Variants in COL4A3 observed in about 807,000 individuals in gnomAD.
COL4A3 encodes collagen alpha-3(IV) chain.
COL4A3 carries 135 observed loss-of-function variants against 217.4 expected under a neutral mutation model. That is an observed-to-expected ratio of 0.62 (90% CI 0.54 to 0.72). The LOEUF (loss-of-function observed/expected upper bound fraction) is 0.72. Among genes scored for constraint, COL4A3 ranks in the 30% least tolerant of loss-of-function variants. The pLI, the probability that COL4A3 is intolerant of heterozygous loss-of-function variation, is 0.00. For synonymous variants in COL4A3, 690 were observed against 736.3 expected, an observed-to-expected ratio of 0.94 and a Z score of 1.02; for missense variants, 1,868 against 2,119.9, an observed-to-expected ratio of 0.88 and a Z score of 2.33.
intron 1 of COL4A3, among the ~76,000 whole-genome samples, chr2:227,195,961 GA>G (rs1198805689): frequency 2.0e-5 from 3 of 151,812 alleles, no homozygotes; most frequent in African/African-American, 7.3e-5. Context: ...TTTAAAAATA[GA>G]AAAAAGCTTA....
intron 50 of COL4A3, among the ~76,000 whole-genome samples, chr2:227,309,745 G>C (rs921509714): frequency 3.3e-5 from 5 of 152,062 alleles, no homozygotes; most frequent in African/African-American, 9.7e-5. Flanking sequence ...GAGATTGCAG[G>C]TCTGTGCTAC....
At chr2:227,249,230 A>ATATATATATATATATATATTTTTTTTT in intron 9 of COL4A3, among the ~76,000 whole-genome samples, 1 of 14,692 alleles carries the variant, frequency 6.8e-5, no homozygotes, top group Admixed American at 8.1e-4. Flanking sequence ...ATATATATAT[A>ATATATATATATATATATATTTTTTTTT]TTTTTTTTTT....
At chr2:227,213,490 G>C (rs1394920498) in intron 1 of COL4A3, among the ~76,000 whole-genome samples, 3 of 151,962 alleles carry the variant, frequency 2.0e-5, no homozygotes, top group South Asian at 2.1e-4. Flanking sequence ...TTAGCTCAAG[G>C]GTCCTGCAAA....
chr2:227,295,943 C>G (rs2073009266), intron 41 of COL4A3, among the ~76,000 whole-genome samples: 1 of 152,192 alleles, frequency 6.6e-6, no homozygotes, highest in Admixed American at 6.5e-5. Context: ...GTCAAACCTT[C>G]CAGGAGAAAC....
rs1247301571 is a variant in COL4A3, at chr2:227,312,207, TG to T, written c.*339del. ...GCAAGTTATGAAATATTTGGCCCGC[TG>T]GATTCCCACATTTGTCTTCTTTCTG... On this transcript the variant is annotated 3_prime_UTR_variant, in exon 52 of 52. Transcript: ENST00000396578. 3.4e-6 allele frequency: 1 copy of T among 289,984 alleles called. No homozygotes were observed. The highest frequency in any genetic ancestry group is 6.7e-6 in the Non-Finnish European group (1 of 149,008). The allele number at this position is 289,984 out of a possible 1,614,324, so 18.0% of individuals were successfully genotyped here. A position where few individuals can be genotyped will look rare whatever the true frequency, so the allele number is the denominator to read the frequency against.
rs909402716 is a variant in COL4A3 at position 227,254,563 on chromosome 2, G to T, written c.829-93G>T. 127 of 982,848 alleles carry T rather than the reference G, an allele frequency of 1.3e-4. No individual in the cohort carries two copies. In the African/African-American group the frequency reaches 1.8e-3, roughly 14 times the overall value. 60.9% of individuals were successfully genotyped at this position (982,848 alleles called of 1,614,324 possible). A position where few individuals can be genotyped will look rare whatever the true frequency, so the allele number is the denominator to read the frequency against. Reference sequence around the variant, plus strand: ...TCAGCACTGAAACATGTTTTTAAATGGCAGAATAACCAAAAGGGACAAATT... The same window carrying T: ...TCAGCACTGAAACATGTTTTTAAATTGCAGAATAACCAAAAGGGACAAATT... On this transcript the variant is annotated intron_variant, in intron 14 of 51. Coordinates refer to ENST00000396578, the MANE Select transcript of COL4A3 (RefSeq NM_000091.5).
At chr2:227,280,800 G>T in intron 30 of COL4A3, 93 bp from the exon 31 acceptor site, 1 of 1,094,374 alleles carries the variant, frequency 9.1e-7, no homozygotes, top group Non-Finnish European at 1.4e-6. Flanking sequence ...TCTGATTTAG[G>T]TGGAAAAAAA....
At chr2:227,204,044 C>G (rs571817149) in intron 1 of COL4A3, among the ~76,000 whole-genome samples, 1 of 151,942 alleles carries the variant, frequency 6.6e-6, no homozygotes, top group Admixed American at 6.6e-5. Context: ...TGGTAAGAAC[C>G]TTTATAGTAT....
Position 227,314,514 on chromosome 2 carries a change from A to G in COL4A3, c.*2644A>G, listed in dbSNP as rs1385910522. On this transcript the variant is annotated 3_prime_UTR_variant, in exon 52 of 52. Transcript: ENST00000396578. ...TCAGAAGTCTTTCAGCAAGATAAACATTATTAAGTAACTTATTTATGAAAG... is the reference window on the plus strand; with the variant it reads ...TCAGAAGTCTTTCAGCAAGATAAACGTTATTAAGTAACTTATTTATGAAAG... 6.6e-6 allele frequency: 1 copy of G among 152,652 alleles called. No individual in the cohort carries two copies. The highest frequency in any genetic ancestry group is 1.9e-4 in the East Asian group (1 of 5,206). 9.5% of individuals were successfully genotyped at this position (152,652 alleles called of 1,614,324 possible). A position where few individuals can be genotyped will look rare whatever the true frequency, so the allele number is the denominator to read the frequency against.
chr2:227,248,391 G>A (rs1490805880), intron 8 of COL4A3, 52 bp from the exon 9 acceptor site: 1 of 1,092,130 alleles, frequency 9.2e-7, no homozygotes, highest in Non-Finnish European at 1.4e-6. Flanking sequence ...CACTTGAAGG[G>A]GTTTTGAAAA....
chr2:227,248,139 C>A (rs1165517632), intron 8 of COL4A3, among the ~76,000 whole-genome samples: 3 of 152,098 alleles, frequency 2.0e-5, no homozygotes, highest in Non-Finnish European at 2.9e-5. Context: ...GGGGTTTTGC[C>A]ATGTTGGCCA....
intron 3 of COL4A3, among the ~76,000 whole-genome samples, chr2:227,243,313 C>A (rs1389200236): frequency 6.6e-6 from 1 of 152,136 alleles, no homozygotes; most frequent in Non-Finnish European, 1.5e-5. Context: ...ATAATACAAT[C>A]AAAGGCAGAC....
chr2:227,273,248 A>G (rs1574754748), intron 26 of COL4A3, 131 bp downstream of exon 26: 11 of 982,044 alleles, frequency 1.1e-5, no homozygotes, highest in South Asian at 1.4e-5. Flanking sequence ...GTCAACTCAC[A>G]GATACCAGGA....
At chr2:227,229,068 C>A (rs1482210334) in intron 1 of COL4A3, among the ~76,000 whole-genome samples, 1 of 152,136 alleles carries the variant, frequency 6.6e-6, no homozygotes, top group African/African-American at 2.4e-5. Flanking sequence ...GGGATTTAGA[C>A]CCAGGAAGTA....
In COL4A3 at chr2:227,191,389, A is replaced by AG. The variant is rs1053491862; in HGVS notation, c.87+26581dup. On this transcript the variant is annotated intron_variant, in intron 1 of 51. Coordinates refer to ENST00000396578, the MANE Select transcript of COL4A3 (RefSeq NM_000091.5). This position sits in a 1 kb window ranked among gnomAD's most constrained non-coding sequence, Gnocchi z 6.8. The stretch of plus-strand genomic sequence containing the variant: ...CAAAAACAAAAAATTTAAGTGGGTG[A>AG]GGGGGCAGGAAGAACAATAAAGAAA... 6.6e-6 allele frequency among the ~76,000 whole-genome samples: 1 copy of AG among 152,292 alleles called. No individual in the cohort carries two copies. Among genetic ancestry groups the AG allele is most frequent in the South Asian group, 2.1e-4 (1 of 4,824 alleles).
At position 227,283,820 on chromosome 2, in the gene COL4A3, G is replaced by A; in HGVS notation, c.2710G>A (p.Gly904Arg). 1.2e-6 allele frequency: 2 copies of A among 1,614,182 alleles called. No homozygotes were observed. Among genetic ancestry groups the A allele is most frequent in the Non-Finnish European group, 1.7e-6 (2 of 1,180,018 alleles). ...MGFPGAIGPP[G>R]PPGNPGTPGQ... ...CTTTCCTGGAGCCATTGGCCCTCCAGGGCCCCCTGGGAACCCAGGCACACC... is the reference window on the plus strand; with the variant it reads ...CTTTCCTGGAGCCATTGGCCCTCCAAGGCCCCCTGGGAACCCAGGCACACC... The change falls in exon 33 of 52, where the codon GGG (glycine) becomes AGG (arginine). Residue 904 changes from glycine (G) to arginine (R), a missense_variant. Physicochemically the swap from Gly to Arg is moderately radical, Grantham distance 125. Transcript: ENST00000396578.
intron 11 of COL4A3, among the ~76,000 whole-genome samples, chr2:227,251,640 T>C (rs954623382): frequency 6.6e-6 from 1 of 152,218 alleles, no homozygotes; most frequent in Non-Finnish European, 1.5e-5. Context: ...AGGTTTTCCA[T>C]TTCTGATCAT....
chr2:227,273,269 A>G, intron 26 of COL4A3, 152 bp downstream of exon 26: 1 of 869,848 alleles, frequency 1.1e-6, no homozygotes. Context: ...AAGAATATGT[A>G]GGGTATGTTA....
chr2:227,206,180 T>C (rs551165263), intron 1 of COL4A3, among the ~76,000 whole-genome samples: 2 of 152,072 alleles, frequency 1.3e-5, no homozygotes, highest in East Asian at 1.9e-4. Flanking sequence ...TTCAAGCAAC[T>C]CTCCTCCCTC....
Sources: gnomAD v4.1 joint callset for allele counts (sites outside exome capture counted in the v4.1 genomes callset) on GRCh38, gnomAD v4.1.1 for gene constraint, Gnocchi (gnomAD v3.1) non-coding constraint, MANE v1.5 for transcripts, NCBI Gene and HGNC (gene_info 2026-07-23, HGNC 2026-07-21) for gene names.